RERE: variants seen among roughly 807,000 people sequenced by gnomAD.
RERE encodes arginine-glutamic acid dipeptide repeats protein.
A neutral mutation model predicts 146.1 loss-of-function variants in RERE; 40 were observed. The ratio of observed to expected loss-of-function variants is 0.27; its 90% confidence interval spans 0.21 to 0.36. RERE has a LOEUF of 0.36. Among genes scored for constraint, RERE ranks in the 10% least tolerant of loss-of-function variants. The pLI is 1.00. For synonymous variants in RERE, 1,003 were observed against 866.0 expected (o/e 1.16, Z -2.78); for missense variants, 1,933 against 2,138.7 (o/e 0.90, Z 1.90).
chr1:8,614,544 A>C lies in RERE; in HGVS notation c.522+17T>G. ...ATATAAAATACTGATAGCTTTTAAAAACGGGATTCTCCTTACCCCTACAGG... is the reference window on the plus strand; with the variant it reads ...ATATAAAATACTGATAGCTTTTAAACACGGGATTCTCCTTACCCCTACAGG... On this transcript the variant is annotated intron_variant, in intron 4 of 22. Transcript: ENST00000400908. The C allele has an allele frequency of 6.2e-7, 1 of 1,601,842 alleles. No individual in the cohort carries two copies. Among genetic ancestry groups the C allele is most frequent in the Non-Finnish European group, 8.5e-7 (1 of 1,175,632 alleles).
At chr1:8,593,687 G>A (rs1646521728) in intron 4 of RERE, among the ~76,000 whole-genome samples, 1 of 152,246 alleles carries the variant, frequency 6.6e-6, no homozygotes, top group African/African-American at 2.4e-5. Flanking sequence ...ATCCACTGCA[G>A]AGCAGTGATT....
chr1:8,377,768 C>T (rs1023929078), intron 12 of RERE, among the ~76,000 whole-genome samples: 42 of 152,170 alleles, frequency 2.8e-4, no homozygotes, highest in African/African-American at 9.2e-4. Context: ...CGTTTAATGA[C>T]GGGAGCGGGA....
intron 1 of RERE, among the ~76,000 whole-genome samples, chr1:8,809,196 G>A (rs985765543): frequency 6.7e-6 from 1 of 149,172 alleles, no homozygotes; most frequent in Non-Finnish European, 1.5e-5. Context: ...GAATCATGAG[G>A]AACATCAATA....
At chr1:8,575,935 G>A (rs1646289413) in intron 4 of RERE, among the ~76,000 whole-genome samples, 1 of 152,108 alleles carries the variant, frequency 6.6e-6, no homozygotes, top group Admixed American at 6.6e-5. Context: ...GGGGAAGACT[G>A]AAGAACTGTT....
chr1:8,614,122 T>C (rs1010229734), intron 4 of RERE, among the ~76,000 whole-genome samples: 3 of 152,184 alleles, frequency 2.0e-5, no homozygotes, highest in African/African-American at 7.2e-5. Context: ...TCGCTATTTC[T>C]GAGCAATACC....
At chr1:8,734,729 T>A (rs1408347199) in intron 1 of RERE, among the ~76,000 whole-genome samples, 1 of 152,238 alleles carries the variant, frequency 6.6e-6, no homozygotes, top group Non-Finnish European at 1.5e-5. Context: ...ATCATCATCA[T>A]CTGCCATTGC....
chr1:8,668,493 G>C (rs1354911645), intron 1 of RERE, among the ~76,000 whole-genome samples: 2 of 152,158 alleles, frequency 1.3e-5, no homozygotes, highest in African/African-American at 4.8e-5. Context: ...ATCTTGAAAG[G>C]GGAAAAGAAT....
At chr1:8,607,098 C>A (rs112991610) in intron 4 of RERE, among the ~76,000 whole-genome samples, 74 of 152,196 alleles carry the variant, frequency 4.9e-4, no homozygotes, top group African/African-American at 1.7e-3. Flanking sequence ...CAGTGGCTCA[C>A]AATTGTAACC....
chr1:8,575,923 CAG>C (rs1646289249), intron 4 of RERE, among the ~76,000 whole-genome samples: 1 of 152,044 alleles, frequency 6.6e-6, no homozygotes, highest in South Asian at 2.1e-4. Context: ...TCATGAAAAT[CAG>C]GGGAAGACTG....
chr1:8,557,567 G>T, intron 4 of RERE, 44 bp from the exon 5 acceptor site: 1 of 1,302,930 alleles, frequency 7.7e-7, no homozygotes, highest in Non-Finnish European at 1.1e-6. Flanking sequence ...GATTTCAGGT[G>T]GCCACAAGTG....
intron 2 of RERE, among the ~76,000 whole-genome samples, chr1:8,650,068 T>C (rs114623257): frequency 0.015 from 2,314 of 151,698 alleles, 61 homozygotes; most frequent in African/African-American, 0.053. Flanking sequence ...GGCGGGAACA[T>C]GGGCAGTGTA....
intron 1 of RERE, among the ~76,000 whole-genome samples, chr1:8,743,070 C>T (rs527993243): frequency 6.6e-6 from 1 of 151,866 alleles, no homozygotes; most frequent in East Asian, 1.9e-4. Context: ...GAGTTTATTA[C>T]ACACTTGTTT....
chr1:8,390,252 A>G (rs1348967526), intron 12 of RERE, among the ~76,000 whole-genome samples: 1 of 152,142 alleles, frequency 6.6e-6, no homozygotes, highest in East Asian at 1.9e-4. Flanking sequence ...CCCACTCCAG[A>G]CAGCTACACT....
chr1:8,578,850 G>A (rs1274221216), intron 4 of RERE, among the ~76,000 whole-genome samples: 1 of 152,156 alleles, frequency 6.6e-6, no homozygotes, highest in African/African-American at 2.4e-5. Context: ...ACACAAAACA[G>A]TAAAAGATCC....
intron 22 of RERE, 62 bp downstream of exon 22, chr1:8,355,357 C>T (rs538563612): frequency 2.6e-4 from 412 of 1,560,076 alleles, no homozygotes; most frequent in African/African-American, 4.0e-4. Context: ...CCTGGGCACA[C>T]GGGGAGGTTG....
chr1:8,607,534 C>CTTTCTTTTTTTTTTTT (rs1646733358), intron 4 of RERE, among the ~76,000 whole-genome samples: 1 of 48,584 alleles, frequency 2.1e-5, no homozygotes, highest in African/African-American at 8.6e-5. Flanking sequence ...ATATATATTT[C>CTTTCTTTTTTTTTTTT]TTTTTTTTTT....
In RERE at chr1:8,423,816, G is replaced by A. The variant is rs1027060154; in HGVS notation, c.1204-1009C>T. The A allele has an allele frequency of 2.1e-5, 11 of 528,948 alleles. No homozygotes were observed. The East Asian group carries it at 1.0e-3, about 50-fold the overall frequency. The allele number at this position is 528,948 out of a possible 1,614,324, so 32.8% of individuals were successfully genotyped here. A position where few individuals can be genotyped will look rare whatever the true frequency, so the allele number is the denominator to read the frequency against. ...GGCGCGCAGAGCCCGGCGCGGCCGC[G>A]GGCGGCTGCAAAAGGCGGCCTGGAT... On this transcript the variant is annotated intron_variant, in intron 11 of 22. Transcript: ENST00000400908. This position sits in a 1 kb window ranked among gnomAD's most constrained non-coding sequence, Gnocchi z 5.4.
chr1:8,774,347 ATTTTTTT>A (rs34859762), intron 1 of RERE, among the ~76,000 whole-genome samples: 3,383 of 93,210 alleles, frequency 0.036, 106 homozygotes, highest in African/African-American at 0.13. Flanking sequence ...TTGGCAAACT[ATTTTTTT>A]TTTTTTTTTT....
intron 4 of RERE, among the ~76,000 whole-genome samples, chr1:8,609,221 A>C (rs1016612575): frequency 6.8e-6 from 1 of 146,030 alleles, no homozygotes; most frequent in African/African-American, 2.5e-5. Context: ...CTGTCTCCCA[A>C]AAAAAAAAAA....
Sources: gnomAD v4.1 joint callset for allele counts (sites outside exome capture counted in the v4.1 genomes callset) on GRCh38, gnomAD v4.1.1 for gene constraint, Gnocchi (gnomAD v3.1) non-coding constraint, MANE v1.5 for transcripts, NCBI Gene and HGNC (gene_info 2026-07-23, HGNC 2026-07-21) for gene names.